BARX2: variants seen among roughly 807,000 people sequenced by gnomAD.
The protein encoded by BARX2 is BARX homeobox 2.
In BARX2, 11 loss-of-function variants were observed where a neutral mutation model predicts 25.5. That is an observed-to-expected ratio of 0.43 (90% CI 0.27 to 0.71). The LOEUF is 0.71. BARX2 is among the 30% of genes least tolerant of loss of function. The pLI is 0.19. For synonymous variants in BARX2, 137 were observed against 149.5 expected, an observed-to-expected ratio of 0.92 and a Z score of 0.61; for missense variants, 360 against 359.9, an observed-to-expected ratio of 1.00 and a Z score of 0.00.
chr11:129,395,523 G>A (rs1247395471), intron 1 of BARX2, among the ~76,000 whole-genome samples: 4 of 152,156 alleles, frequency 2.6e-5, no homozygotes, highest in African/African-American at 2.4e-5. Flanking sequence ...TGCATTTAGG[G>A]TTGTGTGTGA....
intron 3 of BARX2, among the ~76,000 whole-genome samples, chr11:129,450,660 G>A (rs1862387187): frequency 6.6e-6 from 1 of 152,206 alleles, no homozygotes; most frequent in South Asian, 2.1e-4. Flanking sequence ...TAATTTTTTA[G>A]AATTTAGCCT....
intron 1 of BARX2, among the ~76,000 whole-genome samples, chr11:129,396,765 G>C (rs1273276883): frequency 6.6e-6 from 1 of 152,142 alleles, no homozygotes; most frequent in South Asian, 2.1e-4. Context: ...GCTACAGGAC[G>C]TGGGATTTGA....
At position 129,451,536 on chromosome 11, in the gene BARX2, C is replaced by A; in HGVS notation, c.*134C>A. ...GAGATCTACCCGTCTCCCTCCCTCCCACAGTTACCATTGGCCTTGTCATCG... is the reference window on the plus strand; with the variant it reads ...GAGATCTACCCGTCTCCCTCCCTCCAACAGTTACCATTGGCCTTGTCATCG... On this transcript the variant is annotated 3_prime_UTR_variant, in exon 4 of 4. Transcript: ENST00000281437. 1 of 1,026,864 alleles carries A rather than the reference C, an allele frequency of 9.7e-7. No individual in the cohort carries two copies. The highest frequency in any genetic ancestry group is 1.4e-6 in the Non-Finnish European group (1 of 715,598). The allele number at this position is 1,026,864 out of a possible 1,614,324, so 63.6% of individuals were successfully genotyped here. A position where few individuals can be genotyped will look rare whatever the true frequency, so the allele number is the denominator to read the frequency against.
In BARX2 at chr11:129,427,491, GT is replaced by G. The variant is rs201406763; in HGVS notation, c.188-9257del. On this transcript the variant is annotated intron_variant, in intron 1 of 3. Coordinates refer to ENST00000281437, the MANE Select transcript of BARX2 (RefSeq NM_003658.5). ...GGACCAGTGTCTTTGTGTGTGCGTT[GT>G]TTATGTCCCTCTGAAGCTTTCTGTG... Among the ~76,000 whole-genome samples the G allele has an allele frequency of 8.1e-3, 1,234 of 152,264 alleles. 15 individuals are homozygous for G. Among genetic ancestry groups the G allele is most frequent in the African/African-American group, 0.027 (1,129 of 41,546 alleles).
At chr11:129,400,173 C>G (rs1861761535) in intron 1 of BARX2, among the ~76,000 whole-genome samples, 1 of 152,196 alleles carries the variant, frequency 6.6e-6, no homozygotes, top group African/African-American at 2.4e-5. Context: ...TGAGTGCTTA[C>G]TTTTTGCCAG....
chr11:129,427,864 T>C (rs938990572), intron 1 of BARX2, among the ~76,000 whole-genome samples: 2 of 152,184 alleles, frequency 1.3e-5, no homozygotes, highest in Admixed American at 6.5e-5. Flanking sequence ...ACGAGTTCAC[T>C]GACAGCTTTC....
Position 129,451,202 on chromosome 11 carries a change from A to G in BARX2, c.640A>G (p.Thr214Ala). Residue 214 changes from threonine to alanine, a missense_variant, in exon 4 of 4, where the codon ACA (threonine) becomes GCA (alanine). By Grantham distance (58) the Thr-to-Ala change is moderately conservative. Coordinates refer to ENST00000281437, the MANE Select transcript of BARX2 (RefSeq NM_003658.5). Reference protein sequence around the residue: ...KGRPKKNSIPTSEEIEAEEKM... With the variant: ...KGRPKKNSIPASEEIEAEEKM... ...TCGCCCCAAGAAGAACTCCATCCCC[A>G]CATCAGAAGAGATTGAAGCTGAAGA... is the stretch of plus-strand genomic sequence containing the variant. The G allele has an allele frequency of 1.9e-6, 3 of 1,614,186 alleles. No homozygotes were observed. Among genetic ancestry groups the G allele is most frequent in the Non-Finnish European group, 2.5e-6 (3 of 1,180,032 alleles).
At chr11:129,429,674 T>C (rs1014962903) in intron 1 of BARX2, among the ~76,000 whole-genome samples, 1 of 152,168 alleles carries the variant, frequency 6.6e-6, no homozygotes, top group Non-Finnish European at 1.5e-5. Context: ...GATCCTATAA[T>C]AGGATCATAT....
chr11:129,416,278 G>A (rs1435985100), intron 1 of BARX2, among the ~76,000 whole-genome samples: 1 of 152,232 alleles, frequency 6.6e-6, no homozygotes, highest in Non-Finnish European at 1.5e-5. Context: ...GACACTCAGT[G>A]GTTGTTGAGG....
chr11:129,419,635 T>C (rs1861981539), intron 1 of BARX2, among the ~76,000 whole-genome samples: 1 of 152,080 alleles, frequency 6.6e-6, no homozygotes, highest in Non-Finnish European at 1.5e-5. Flanking sequence ...TTCCTTCCTT[T>C]TGTCCCTCTG....
intron 1 of BARX2, among the ~76,000 whole-genome samples, chr11:129,402,034 GATAAA>G (rs1861781650): frequency 1.4e-5 from 2 of 142,878 alleles, no homozygotes; most frequent in South Asian, 4.5e-4. Context: ...TTTTTTTTCA[GATAAA>G]ATAAATATGC....
At chr11:129,384,930 G>C (rs1417322655) in intron 1 of BARX2, among the ~76,000 whole-genome samples, 1 of 152,130 alleles carries the variant, frequency 6.6e-6, no homozygotes, top group African/African-American at 2.4e-5. Flanking sequence ...AATCCTAGAA[G>C]CTAAATGACT....
At chr11:129,392,025 GCT>G (rs1591429355) in intron 1 of BARX2, among the ~76,000 whole-genome samples, 1 of 152,222 alleles carries the variant, frequency 6.6e-6, no homozygotes, top group African/African-American at 2.4e-5. Flanking sequence ...GTCCTGAAGG[GCT>G]TGCATAGCTG....
intron 1 of BARX2, among the ~76,000 whole-genome samples, chr11:129,387,323 C>T (rs2135386005): frequency 6.6e-6 from 1 of 152,202 alleles, no homozygotes. Context: ...GGAGGACTTC[C>T]TCCTGCAACC....
At position 129,397,550 on chromosome 11, in the gene BARX2, G is replaced by A. The variant is rs113610290; in HGVS notation, c.187+21328G>A. On this transcript the variant is annotated intron_variant, in intron 1 of 3. Transcript: ENST00000281437. Reference sequence around the variant, plus strand: ...ACTGAACTTTCTGATTAAAACAAAGGAAAGCTAACAACACTTATCGTTTCA... The same window carrying A: ...ACTGAACTTTCTGATTAAAACAAAGAAAAGCTAACAACACTTATCGTTTCA... 4.5e-3 allele frequency among the ~76,000 whole-genome samples: 691 copies of A among 152,252 alleles called. 7 individuals are homozygous for A. The highest frequency in any genetic ancestry group is 0.016 in the African/African-American group (649 of 41,548).
In BARX2 at chr11:129,378,563, C is replaced by CTTTTTTTTTTT. The variant is rs56804728; in HGVS notation, c.187+2351_187+2361dup. 1.4e-3 allele frequency among the ~76,000 whole-genome samples: 161 copies of CTTTTTTTTTTT among 111,192 alleles called. 1 individual carries two copies. The highest frequency in any genetic ancestry group is 0.01 in the Middle Eastern group (2 of 192). The allele number at this position is 111,192 out of a possible 152,430, so 72.9% of individuals were successfully genotyped here. ...AATTTTCTTCTTTTCTTTTCTTTTTCTTTTTTTTTTTTTTTTTTTTGCTAG... is the reference window on the plus strand; with the variant it reads ...AATTTTCTTCTTTTCTTTTCTTTTTCTTTTTTTTTTTTTTTTTTTTTTTTTTTTTTTGCTAG... On this transcript the variant is annotated intron_variant, in intron 1 of 3. Coordinates refer to ENST00000281437, the MANE Select transcript of BARX2 (RefSeq NM_003658.5).
At chr11:129,428,928 G>A (rs570896545) in intron 1 of BARX2, among the ~76,000 whole-genome samples, 25 of 151,986 alleles carry the variant, frequency 1.6e-4, no homozygotes, top group African/African-American at 3.1e-4. Flanking sequence ...GCATCAGAAC[G>A]TTGGGTCAAG....
At chr11:129,391,823 C>G (rs567920971) in intron 1 of BARX2, among the ~76,000 whole-genome samples, 1 of 152,152 alleles carries the variant, frequency 6.6e-6, no homozygotes, top group African/African-American at 2.4e-5. Flanking sequence ...GCTGCAGCCC[C>G]GACCGGTTTT....
intron 1 of BARX2, among the ~76,000 whole-genome samples, chr11:129,417,257 C>G (rs573575269): frequency 6.6e-6 from 1 of 152,240 alleles, no homozygotes; most frequent in South Asian, 2.1e-4. Context: ...TCTGCCAGTG[C>G]TTTGCTAAGT....
Sources: gnomAD v4.1 joint callset for allele counts (sites outside exome capture counted in the v4.1 genomes callset) on GRCh38, gnomAD v4.1.1 for gene constraint, MANE v1.5 for transcripts, NCBI Gene and HGNC (gene_info 2026-07-23, HGNC 2026-07-21) for gene names.